Variants in PTPRT observed in about 807,000 individuals in gnomAD.
PTPRT encodes protein tyrosine phosphatase receptor type T.
PTPRT carries 56 observed loss-of-function variants against 176.8 expected under a neutral mutation model. The observed-to-expected ratio is 0.32, with a 90% CI of 0.26 to 0.40. The LOEUF is 0.40. Among genes scored for constraint, PTPRT ranks in the 10% least tolerant of loss-of-function variants. The probability of loss-of-function intolerance (pLI) is 1.00; values close to 1 mark genes in which losing one functional copy is unlikely to be tolerated. For synonymous variants in PTPRT, 783 were observed against 739.0 expected (o/e 1.06, Z -0.96); for missense variants, 1,540 against 1,908.2 (o/e 0.81, Z 3.60).
chr20:42,115,943 C>G, intron 21 of PTPRT: 1 of 685,238 alleles, frequency 1.5e-6, no homozygotes, highest in East Asian at 2.7e-5. Flanking sequence ...TGACCCTGGA[C>G]GCGAGCAAGC....
chr20:42,459,495 A>G (rs1280269100), intron 8 of PTPRT, among the ~76,000 whole-genome samples: 1 of 152,208 alleles, frequency 6.6e-6, no homozygotes, highest in East Asian at 1.9e-4. Flanking sequence ...GGCTGCTGCA[A>G]TAATCTGGGG....
At chr20:42,402,987 A>C (rs1447638926) in intron 9 of PTPRT, among the ~76,000 whole-genome samples, 1 of 152,196 alleles carries the variant, frequency 6.6e-6, no homozygotes, top group Non-Finnish European at 1.5e-5. Flanking sequence ...TTAAGAAGGC[A>C]ATCATTATTT....
At chr20:42,259,062 C>T (rs2056699387) in intron 13 of PTPRT, among the ~76,000 whole-genome samples, 1 of 152,172 alleles carries the variant, frequency 6.6e-6, no homozygotes, top group Non-Finnish European at 1.5e-5. Flanking sequence ...AGGTTAGCAC[C>T]CTGTGAGACA....
intron 1 of PTPRT, among the ~76,000 whole-genome samples, chr20:42,979,276 C>T (rs554769999): frequency 1.3e-5 from 2 of 152,116 alleles, no homozygotes; most frequent in African/African-American, 4.8e-5. Context: ...CTTTATATAT[C>T]AAGGATAGTT....
the PTPRT span, among the ~76,000 whole-genome samples, chr20:42,037,787 T>A: frequency 6.6e-6 from 1 of 152,136 alleles, no homozygotes; most frequent in African/African-American, 2.4e-5. Context: ...AAGACACATT[T>A]GGCAAACTCT....
chr20:43,094,733 T>C lies in PTPRT; in HGVS notation c.88+94913A>G, dbSNP rs567564901. ...TTTATCACCTTAGGTGTTTATTGTT[T>C]GGCTTCCCTGTTACTACGGGAGCTC... On this transcript the variant is annotated intron_variant, in intron 1 of 30. Transcript: ENST00000373187. Among the ~76,000 whole-genome samples, 19 of 152,278 alleles carry C rather than the reference T, an allele frequency of 1.2e-4. No individual in the cohort carries two copies. In the East Asian group the frequency reaches 2.7e-3, roughly 22 times the overall value.
At chr20:42,138,628 G>A (rs750551811) in intron 18 of PTPRT, among the ~76,000 whole-genome samples, 4 of 152,174 alleles carry the variant, frequency 2.6e-5, no homozygotes, top group African/African-American at 9.7e-5. Context: ...TTTACATGGA[G>A]AATGCTTTGG....
chr20:42,223,935 T>C (rs1173303751), intron 15 of PTPRT, among the ~76,000 whole-genome samples: 2 of 152,174 alleles, frequency 1.3e-5, no homozygotes, highest in South Asian at 2.1e-4. Flanking sequence ...TAAAACGATA[T>C]TTACAATCTT....
chr20:43,113,245 C>T (rs2012935460), intron 1 of PTPRT, among the ~76,000 whole-genome samples: 1 of 152,212 alleles, frequency 6.6e-6, no homozygotes, highest in Admixed American at 6.5e-5. Flanking sequence ...TGCTGTCTTT[C>T]TTCTGTTTCC....
intron 7 of PTPRT, among the ~76,000 whole-genome samples, chr20:42,623,733 C>T (rs2074240887): frequency 6.6e-6 from 1 of 152,124 alleles, no homozygotes. Context: ...TTTTAGCCAA[C>T]TCCATACCCA....
At chr20:43,056,507 C>T (rs1164717342) in intron 1 of PTPRT, among the ~76,000 whole-genome samples, 1 of 152,160 alleles carries the variant, frequency 6.6e-6, no homozygotes, top group Non-Finnish European at 1.5e-5. Flanking sequence ...CTTCAAATCA[C>T]CTGAGGGAAC....
chr20:43,163,247 A>C (rs1179719615), intron 1 of PTPRT, among the ~76,000 whole-genome samples: 3 of 152,202 alleles, frequency 2.0e-5, no homozygotes, highest in Non-Finnish European at 4.4e-5. Context: ...CCGTTCTATA[A>C]CACAAATCTT....
chr20:42,925,381 C>T (rs1316082496), intron 1 of PTPRT, among the ~76,000 whole-genome samples: 3 of 152,114 alleles, frequency 2.0e-5, no homozygotes, highest in African/African-American at 7.2e-5. Flanking sequence ...GATATTGTTG[C>T]TCCCCTAGGG....
chr20:42,696,251 C>T (rs1232467935), intron 6 of PTPRT, among the ~76,000 whole-genome samples: 3 of 150,828 alleles, frequency 2.0e-5, no homozygotes, highest in Non-Finnish European at 3.0e-5. Context: ...CTATTTCTCT[C>T]CTCCTGTCCC....
At chr20:42,589,350 G>A (rs1209874557) in intron 7 of PTPRT, among the ~76,000 whole-genome samples, 1 of 152,172 alleles carries the variant, frequency 6.6e-6, no homozygotes, top group Non-Finnish European at 1.5e-5. Context: ...TTAGCAAGAG[G>A]TACCTCTGAG....
intron 6 of PTPRT, among the ~76,000 whole-genome samples, chr20:42,728,502 G>A (rs1011532619): frequency 6.6e-6 from 1 of 152,142 alleles, no homozygotes; most frequent in African/African-American, 2.4e-5. Context: ...CCACAGCCTG[G>A]CTCCTTTACT....
chr20:42,429,139 C>G (rs1224392546), intron 9 of PTPRT, among the ~76,000 whole-genome samples: 1 of 152,144 alleles, frequency 6.6e-6, no homozygotes, highest in Non-Finnish European at 1.5e-5. Flanking sequence ...TAACTTCCTT[C>G]TTCTAAGGCT....
At chr20:42,856,102 C>T (rs2078558576) in intron 2 of PTPRT, among the ~76,000 whole-genome samples, 1 of 152,148 alleles carries the variant, frequency 6.6e-6, no homozygotes, top group Admixed American at 6.5e-5. Flanking sequence ...CCACCCACCC[C>T]AGGAAGAGGA....
chr20:42,603,608 G>A (rs1459462683), intron 7 of PTPRT, among the ~76,000 whole-genome samples: 2 of 152,148 alleles, frequency 1.3e-5, no homozygotes, highest in East Asian at 3.8e-4. Context: ...AGCTCTTAGG[G>A]CATTTTAAGT....
Sources: gnomAD v4.1 joint callset for allele counts (sites outside exome capture counted in the v4.1 genomes callset) on GRCh38, gnomAD v4.1.1 for gene constraint, MANE v1.5 for transcripts, NCBI Gene and HGNC (gene_info 2026-07-23, HGNC 2026-07-21) for gene names.